Variants in KCNQ1 observed in about 807,000 individuals in gnomAD.
The protein encoded by KCNQ1 is potassium voltage-gated channel subfamily Q member 1, also known as potassium voltage-gated channel subfamily KQT member 1.
In KCNQ1, 49 loss-of-function variants were observed where a neutral mutation model predicts 72.4. The observed-to-expected ratio is 0.68, with a 90% CI of 0.54 to 0.86. The LOEUF (loss-of-function observed/expected upper bound fraction) is 0.86, where lower values mean the gene tolerates loss of function less well. Ranked by LOEUF, KCNQ1 falls within the 40% of genes least tolerant of loss-of-function variation. The pLI is 0.00. For missense variants in KCNQ1, 790 were observed against 945.1 expected, an observed-to-expected ratio of 0.84 and a Z score of 2.15; for synonymous variants, 450 against 412.6, an observed-to-expected ratio of 1.09 and a Z score of -1.10.
chr11:2,538,084 G>A lies in KCNQ1; in HGVS notation c.477+10066G>A, dbSNP rs1847765123. 6.6e-6 allele frequency among the ~76,000 whole-genome samples: 1 copy of A among 152,162 alleles called. No homozygotes were observed. The highest frequency in any genetic ancestry group is 2.1e-4 in the South Asian group (1 of 4,828). ...CAGTATGACCGTTTCTCCGTATAAA[G>A]CCCGTGTATATCCTCTGGAATGAGG... On this transcript the variant is annotated intron_variant, in intron 2 of 15. Coordinates refer to ENST00000155840, the MANE Select transcript of KCNQ1 (RefSeq NM_000218.3). The surrounding 1 kb of genome is among the most constrained non-coding windows in gnomAD (Gnocchi z 6.7).
intron 6 of KCNQ1, among the ~76,000 whole-genome samples, chr11:2,578,562 T>C (rs1229504210): frequency 1.3e-5 from 2 of 152,224 alleles, no homozygotes; most frequent in Non-Finnish European, 2.9e-5. Context: ...GGAGCAGGCC[T>C]GGGAGGGCGC....
chr11:2,665,548 G>A (rs1472326183), intron 11 of KCNQ1: 2 of 394,288 alleles, frequency 5.1e-6, no homozygotes, highest in Non-Finnish European at 8.9e-6. Flanking sequence ...TCACCCATCT[G>A]CAGCCACCAG....
chr11:2,690,765 T>C lies in KCNQ1; in HGVS notation c.1514+28684T>C. The C allele has an allele frequency of 2.5e-6, 1 of 398,676 alleles. No individual in the cohort carries two copies. Among genetic ancestry groups the C allele is most frequent in the Non-Finnish European group, 4.4e-6 (1 of 226,082 alleles). The allele number at this position is 398,676 out of a possible 1,614,324, so 24.7% of individuals were successfully genotyped here. A position where few individuals can be genotyped will look rare whatever the true frequency, so the allele number is the denominator to read the frequency against. On this transcript the variant is annotated intron_variant, in intron 11 of 15. Transcript: ENST00000155840. This position sits in a 1 kb window ranked among gnomAD's most constrained non-coding sequence, Gnocchi z 5.1. ...TGATCCCAAATCCCTTAGGTGGATG[T>C]GGCCTGGCAGGGGGTCAGCAGGAGG...
chr11:2,831,569 T>G (rs1419607548), intron 15 of KCNQ1, among the ~76,000 whole-genome samples: 3 of 152,004 alleles, frequency 2.0e-5, no homozygotes, highest in African/African-American at 7.3e-5. Flanking sequence ...TCAGTCAGTT[T>G]CCTCTTGATG....
rs934593626 is a variant in KCNQ1, at chr11:2,494,479, G to A, written c.387-33449G>A. 6.6e-6 allele frequency among the ~76,000 whole-genome samples: 1 copy of A among 152,068 alleles called. No homozygotes were observed. The highest frequency in any genetic ancestry group is 1.5e-5 in the Non-Finnish European group (1 of 68,026). ...GCCCGTTCAGTATGATATTGCCTGTGGGTTTGTCATAAATAGCTCTTGTTA... is the reference window on the plus strand; with the variant it reads ...GCCCGTTCAGTATGATATTGCCTGTAGGTTTGTCATAAATAGCTCTTGTTA... On this transcript the variant is annotated intron_variant, in intron 1 of 15. Coordinates refer to ENST00000155840, the MANE Select transcript of KCNQ1 (RefSeq NM_000218.3). This position sits in a 1 kb window ranked among gnomAD's most constrained non-coding sequence, Gnocchi z 4.6.
rs1049399068 is a variant in KCNQ1, at chr11:2,601,016, A to AT, written c.1393+12166dup. Among the ~76,000 whole-genome samples, 7 of 150,816 alleles carry AT rather than the reference A, an allele frequency of 4.6e-5. No individual in the cohort carries two copies. Among genetic ancestry groups the AT allele is most frequent in the African/African-American group, 1.7e-4 (7 of 40,884 alleles). On this transcript the variant is annotated intron_variant, in intron 10 of 15. Coordinates refer to ENST00000155840, the MANE Select transcript of KCNQ1 (RefSeq NM_000218.3). This position sits in a 1 kb window ranked among gnomAD's most constrained non-coding sequence, Gnocchi z 5.2. ...CACTTTTCTACCTTACAGTTACTAT[A>AT]TTTTGCCTTGCAACCAATAAACAAT...
At chr11:2,777,904 T>C in intron 14 of KCNQ1, 72 bp from the exon 15 acceptor site, 1 of 1,404,418 alleles carries the variant, frequency 7.1e-7, no homozygotes, top group South Asian at 1.2e-5. Flanking sequence ...ACCACCCCAC[T>C]TCCCAAGCCC....
intron 11 of KCNQ1, among the ~76,000 whole-genome samples, chr11:2,765,414 A>G (rs1307203632): frequency 6.6e-6 from 1 of 152,198 alleles, no homozygotes; most frequent in African/African-American, 2.4e-5. Flanking sequence ...GAAGTCTTGC[A>G]TATGGTCTCT....
Position 2,612,173 on chromosome 11 carries a change from G to T in KCNQ1, c.1393+23319G>T. The stretch of plus-strand genomic sequence containing the variant: ...GAAACTGGGCTACACAGCAGGAGGT[G>T]AGCAGCAGGCAAGCAAGCATTACTG... On this transcript the variant is annotated intron_variant, in intron 10 of 15. Transcript: ENST00000155840. This position sits in a 1 kb window ranked among gnomAD's most constrained non-coding sequence, Gnocchi z 5.5. 2.5e-6 allele frequency: 1 copy of T among 398,636 alleles called. No homozygotes were observed. Among genetic ancestry groups the T allele is most frequent in the South Asian group, 1.3e-4 (1 of 7,816 alleles). The allele number at this position is 398,636 out of a possible 1,614,324, so 24.7% of individuals were successfully genotyped here.
Position 2,824,420 on chromosome 11 carries a change from T to G in KCNQ1, c.1795-23347T>G, listed in dbSNP as rs1336374335. On this transcript the variant is annotated intron_variant, in intron 15 of 15. Coordinates refer to ENST00000155840, the MANE Select transcript of KCNQ1 (RefSeq NM_000218.3). This position sits in a 1 kb window ranked among gnomAD's most constrained non-coding sequence, Gnocchi z 5.9. The stretch of plus-strand genomic sequence containing the variant: ...AGACCCCCAGGTTCTGGCTTGGCCA[T>G]ATGTTGGAGGCTGAAACGATTCATC... Among the ~76,000 whole-genome samples, 3 of 152,052 alleles carry G rather than the reference T, an allele frequency of 2.0e-5. No individual in the cohort carries two copies. The highest frequency in any genetic ancestry group is 2.0e-4 in the Admixed American group (3 of 15,280).
At position 2,676,981 on chromosome 11, in the gene KCNQ1, A is replaced by G. The variant is rs115936215; in HGVS notation, c.1514+14900A>G. 267 of 398,616 alleles carry G rather than the reference A, an allele frequency of 6.7e-4. No homozygotes were observed. Among genetic ancestry groups the G allele is most frequent in the African/African-American group, 5.1e-3 (251 of 48,744 alleles). The allele number at this position is 398,616 out of a possible 1,614,324, so 24.7% of individuals were successfully genotyped here. A position where few individuals can be genotyped will look rare whatever the true frequency, so the allele number is the denominator to read the frequency against. ...CATCTAGCAAATCTCCTTTTCATTAACAGCTGCAGAGTTTCATTGTGCCAT... is the reference window on the plus strand; with the variant it reads ...CATCTAGCAAATCTCCTTTTCATTAGCAGCTGCAGAGTTTCATTGTGCCAT... On this transcript the variant is annotated intron_variant, in intron 11 of 15. Transcript: ENST00000155840. This position sits in a 1 kb window ranked among gnomAD's most constrained non-coding sequence, Gnocchi z 4.2.
At chr11:2,733,828 TC>T in intron 11 of KCNQ1, among the ~76,000 whole-genome samples, 1 of 29,390 alleles carries the variant, frequency 3.4e-5, no homozygotes, top group Non-Finnish European at 7.3e-5. Context: ...TCTCACTCTC[TC>T]TCTCTCTCTC....
chr11:2,805,793 G>A lies in KCNQ1; in HGVS notation c.1794+27756G>A, dbSNP rs148206820. ...AAGCCGAGGAGAAATGGAAGTATGA[G>A]CCGGTTCCCTGCTCCAGAAATCGCT... On this transcript the variant is annotated intron_variant, in intron 15 of 15. Coordinates refer to ENST00000155840, the MANE Select transcript of KCNQ1 (RefSeq NM_000218.3). 5.3e-4 allele frequency among the ~76,000 whole-genome samples: 80 copies of A among 152,312 alleles called. 2 individuals are homozygous for A. In the East Asian group the frequency reaches 0.013, roughly 26 times the overall value.
intron 2 of KCNQ1, among the ~76,000 whole-genome samples, chr11:2,561,031 T>A (rs1334920733): frequency 6.6e-6 from 1 of 151,070 alleles, no homozygotes; most frequent in Non-Finnish European, 1.5e-5. Flanking sequence ...TGAAACCCCG[T>A]CTCTACTAAA....
chr11:2,500,182 TC>T (rs1846987010), intron 1 of KCNQ1, among the ~76,000 whole-genome samples: 1 of 152,178 alleles, frequency 6.6e-6, no homozygotes, highest in Non-Finnish European at 1.5e-5. Context: ...CTTTTTTACT[TC>T]CTTGAGCAGT....
At chr11:2,699,961 G>A in intron 11 of KCNQ1, 1 of 398,342 alleles carries the variant, frequency 2.5e-6, no homozygotes. Flanking sequence ...GAGCTCCCTG[G>A]AGGTCCGTGC....
chr11:2,557,071 G>A (rs1469145096), intron 2 of KCNQ1, among the ~76,000 whole-genome samples: 1 of 152,172 alleles, frequency 6.6e-6, no homozygotes, highest in Non-Finnish European at 1.5e-5. Context: ...TTGCTCAGCA[G>A]CATTAAGTAA....
In KCNQ1 at chr11:2,769,259, A is replaced by C. The variant is rs993408293; in HGVS notation, c.1590+340A>C. On this transcript the variant is annotated intron_variant, in intron 12 of 15. Coordinates refer to ENST00000155840, the MANE Select transcript of KCNQ1 (RefSeq NM_000218.3). The surrounding 1 kb of genome is among the most constrained non-coding windows in gnomAD (Gnocchi z 4.6). ...CATTAGTGAGAGATGTGAGGGTGACATCAGAATGACTCAGAGATGGTGCGG... is the reference window on the plus strand; with the variant it reads ...CATTAGTGAGAGATGTGAGGGTGACCTCAGAATGACTCAGAGATGGTGCGG... Among the ~76,000 whole-genome samples, 4 of 152,170 alleles carry C rather than the reference A, an allele frequency of 2.6e-5. No homozygotes were observed. The highest frequency in any genetic ancestry group is 5.9e-5 in the Non-Finnish European group (4 of 68,032).
chr11:2,746,686 CGGTGT>C lies in KCNQ1; in HGVS notation c.1515-22155_1515-22151del, dbSNP rs1388534845. 3.9e-5 allele frequency among the ~76,000 whole-genome samples: 6 copies of C among 152,246 alleles called. No homozygotes were observed. The highest frequency in any genetic ancestry group is 1.4e-4 in the African/African-American group (6 of 41,464). ...GCCCTGTTCCGAGGGCCCATCCTGT[CGGTGT>C]GGCTCGTCATGGGCGATGCTGTCTC... On this transcript the variant is annotated intron_variant, in intron 11 of 15. Transcript: ENST00000155840. This position sits in a 1 kb window ranked among gnomAD's most constrained non-coding sequence, Gnocchi z 5.9.
Sources: gnomAD v4.1 joint callset for allele counts (sites outside exome capture counted in the v4.1 genomes callset) on GRCh38, gnomAD v4.1.1 for gene constraint, Gnocchi (gnomAD v3.1) non-coding constraint, MANE v1.5 for transcripts, NCBI Gene and HGNC (gene_info 2026-07-23, HGNC 2026-07-21) for gene names.